DTYMK: variants seen among roughly 807,000 people sequenced by gnomAD.
The protein encoded by DTYMK is deoxythymidylate kinase.
A neutral mutation model predicts 20.3 loss-of-function variants in DTYMK; 20 were observed. The observed-to-expected ratio is 0.99, with a 90% CI of 0.69 to 1.43. The LOEUF (loss-of-function observed/expected upper bound fraction) is 1.43, where lower values mean the gene tolerates loss of function less well. DTYMK is among the 40% of genes most tolerant of loss of function. The pLI, the probability that DTYMK is intolerant of heterozygous loss-of-function variation, is 0.00. For missense variants in DTYMK, 320 were observed against 291.1 expected, an observed-to-expected ratio of 1.10 and a Z score of -0.72; for synonymous variants, 148 against 124.4, an observed-to-expected ratio of 1.19 and a Z score of -1.27.
At chr2:241,676,328 G>A in intron 4 of DTYMK, 91 bp from the exon 5 acceptor site, 1 of 1,254,900 alleles carries the variant, frequency 8.0e-7, no homozygotes, top group Non-Finnish European at 1.1e-6. Flanking sequence ...CCAGCACTTT[G>A]GGAGGCCCAC....
chr2:241,678,225 G>A (rs772905138), intron 4 of DTYMK, among the ~76,000 whole-genome samples: 1 of 151,888 alleles, frequency 6.6e-6, no homozygotes, highest in Non-Finnish European at 1.5e-5. Context: ...AGCTGAGATC[G>A]TGCCATTGCA....
chr2:241,686,089 T>C (rs1419098322), intron 1 of DTYMK, among the ~76,000 whole-genome samples: 1 of 152,168 alleles, frequency 6.6e-6, no homozygotes, highest in Non-Finnish European at 1.5e-5. Context: ...TGAAAAATGC[T>C]TTAGGAAAAA....
chr2:241,678,871 A>C (rs2069178332), intron 3 of DTYMK, among the ~76,000 whole-genome samples: 1 of 152,230 alleles, frequency 6.6e-6, no homozygotes, highest in East Asian at 1.9e-4. Context: ...AAAAGTAGGT[A>C]GATAGAACGG....
intron 1 of DTYMK, among the ~76,000 whole-genome samples, 184 bp from the exon 2 acceptor site, chr2:241,686,061 T>A (rs1034412291): frequency 1.3e-5 from 2 of 152,120 alleles, no homozygotes; most frequent in African/African-American, 4.8e-5. Flanking sequence ...ATAACAGCAA[T>A]CTGCAAACAA....
intron 2 of DTYMK, among the ~76,000 whole-genome samples, chr2:241,682,630 A>G (rs1329318923): frequency 2.0e-5 from 3 of 152,116 alleles, no homozygotes; most frequent in African/African-American, 7.2e-5. Flanking sequence ...TCCTCAAAAA[A>G]TACAAAATTG....
Position 241,686,691 on chromosome 2 carries a change from G to A in DTYMK, c.93C>T (p.Cys31=), listed in dbSNP as rs765871836. 1.3e-6 allele frequency: 2 copies of A among 1,535,844 alleles called. No individual in the cohort carries two copies. Among genetic ancestry groups the A allele is most frequent in the East Asian group, 2.6e-5 (1 of 39,052 alleles). ...TQSRKLVEAL[C]AAGHRAELLR... ...GCAGTTCGGCGCGGTGGCCCGCGGC[G>A]CACAGCGCTTCCACCAGCTTGCGGC... The change falls in exon 1 of 5, where the codon TGC becomes TGT. Residue 31 remains cysteine, a synonymous_variant. Coordinates refer to ENST00000305784, the MANE Select transcript of DTYMK (RefSeq NM_012145.4).
chr2:241,676,842 ACCCTG>A (rs2069128646), intron 4 of DTYMK, among the ~76,000 whole-genome samples: 2 of 152,186 alleles, frequency 1.3e-5, no homozygotes, highest in East Asian at 3.9e-4. Context: ...CAGAGGGCAG[ACCCTG>A]CCCTGCCCAC....
chr2:241,682,590 C>T (rs2069285251), intron 2 of DTYMK, among the ~76,000 whole-genome samples: 1 of 152,108 alleles, frequency 6.6e-6, no homozygotes, highest in Admixed American at 6.5e-5. Context: ...GAATTTGAGT[C>T]CAACCTGGGA....
chr2:241,686,075 G>A (rs1042537031), intron 1 of DTYMK, among the ~76,000 whole-genome samples, 198 bp from the exon 2 acceptor site: 3 of 152,168 alleles, frequency 2.0e-5, no homozygotes, highest in African/African-American at 4.8e-5. Flanking sequence ...CAAACAAGCT[G>A]GGATGAAAAA....
At position 241,676,105 on chromosome 2, in the gene DTYMK, G is replaced by A. The variant is rs112381911; in HGVS notation, c.*22C>T. ...CTCTCGGGGGACTGCAGGGAGAGGC[G>A]TCTCCAGTGGGCAGCCTTGGGTCAC... On this transcript the variant is annotated 3_prime_UTR_variant, in exon 5 of 5. Transcript: ENST00000305784. 1.6e-3 allele frequency: 2,466 copies of A among 1,583,362 alleles called. 41 individuals carry two copies. The African/African-American group carries it at 0.029, about 19-fold the overall frequency.
At chr2:241,676,437 G>A (rs1348705927) in intron 4 of DTYMK, among the ~76,000 whole-genome samples, 200 bp from the exon 5 acceptor site, 4 of 152,188 alleles carry the variant, frequency 2.6e-5, no homozygotes, top group Non-Finnish European at 1.5e-5. Flanking sequence ...ACTCCAGCCT[G>A]GGTGACACAG....
intron 4 of DTYMK, among the ~76,000 whole-genome samples, chr2:241,677,099 T>G (rs2069134745): frequency 6.6e-6 from 1 of 152,258 alleles, no homozygotes; most frequent in African/African-American, 2.4e-5. Context: ...CGCTGGCATC[T>G]CAGCGGCATC....
chr2:241,678,313 C>T (rs539115841), intron 4 of DTYMK, 139 bp downstream of exon 4: 5 of 1,213,078 alleles, frequency 4.1e-6, no homozygotes, highest in Middle Eastern at 2.9e-4. Flanking sequence ...AACCCCTGAA[C>T]GACTACTCCC....
In DTYMK at chr2:241,678,135, T is replaced by C. The variant is rs776483863; in HGVS notation, c.528+317A>G. ...TACAAAAAAAATTAGCCAGGCATGA[T>C]GGCACGTGCCTGTAATCCCAGCTAC... On this transcript the variant is annotated intron_variant, in intron 4 of 4. Coordinates refer to ENST00000305784, the MANE Select transcript of DTYMK (RefSeq NM_012145.4). Among the ~76,000 whole-genome samples, 32 of 152,034 alleles carry C rather than the reference T, an allele frequency of 2.1e-4. 1 individual carries two copies. Among genetic ancestry groups the C allele is most frequent in the Non-Finnish European group, 4.3e-4 (29 of 67,998 alleles).
At chr2:241,677,805 G>A (rs928981727) in intron 4 of DTYMK, among the ~76,000 whole-genome samples, 39 of 152,260 alleles carry the variant, frequency 2.6e-4, no homozygotes, top group Admixed American at 2.0e-4. Flanking sequence ...AGATGGCCAG[G>A]TGCTGCTGCA....
chr2:241,676,459 T>TGTC (rs1294411897), intron 4 of DTYMK, among the ~76,000 whole-genome samples: 6 of 152,080 alleles, frequency 3.9e-5, no homozygotes, highest in Non-Finnish European at 8.8e-5. Context: ...AACACCCTGT[T>TGTC]TCAAAACAAC....
intron 1 of DTYMK, among the ~76,000 whole-genome samples, chr2:241,686,370 T>TA (rs887013063): frequency 3.9e-5 from 6 of 152,200 alleles, no homozygotes; most frequent in Non-Finnish European, 5.9e-5. Flanking sequence ...ACCCCGCACT[T>TA]AAAGACACGC....
intron 4 of DTYMK, among the ~76,000 whole-genome samples, chr2:241,677,015 A>C (rs967823985): frequency 3.3e-5 from 5 of 152,188 alleles, no homozygotes; most frequent in Non-Finnish European, 7.3e-5. Context: ...CGGTGCGAGG[A>C]GCGTGGGGAG....
At chr2:241,677,926 G>C (rs1029671599) in intron 4 of DTYMK, among the ~76,000 whole-genome samples, 3 of 152,260 alleles carry the variant, frequency 2.0e-5, no homozygotes, top group Admixed American at 1.3e-4. Flanking sequence ...ACTCTCACCT[G>C]ACCCACCAGA....
Sources: allele counts gnomAD v4.1 joint callset (sites outside exome capture counted in the v4.1 genomes callset), GRCh38; gene constraint gnomAD v4.1.1; transcripts MANE v1.5; gene names NCBI Gene and HGNC (gene_info 2026-07-23, HGNC 2026-07-21).